Variants in ZNF469 observed in about 807,000 individuals in gnomAD.
ZNF469 encodes zinc finger protein 469.
Under a neutral mutation model 1.0 loss-of-function variants are expected in ZNF469, and 1 was observed. The ratio of observed to expected loss-of-function variants is 1.00; its 90% CI spans 0.35 to 4.73. The LOEUF is 4.73. ZNF469 is among the 30% of genes most tolerant of loss of function. The pLI, the probability that ZNF469 is intolerant of heterozygous loss-of-function variation, is 0.16. For synonymous variants in ZNF469, 2,703 were observed against 2,363.4 expected (o/e 1.14, Z -4.17); for missense variants, 6,100 against 5,356.3 (o/e 1.14, Z -4.33).
At chr16:88,253,790 C>G in the ZNF469 span, among the ~76,000 whole-genome samples, 1 of 152,182 alleles carries the variant, frequency 6.6e-6, no homozygotes, top group African/African-American at 2.4e-5. Context: ...CCTCCCACCT[C>G]GGCCTCCCAA....
rs1455525034 is a variant in ZNF469, at chr16:88,437,792, T to G, written c.10322T>G (p.Leu3441Arg). Reference protein sequence around the residue: ...EQFDRHMNKHLRGGRQPFAFR... With the variant: ...EQFDRHMNKHRRGGRQPFAFR... ...TTCGACCGCCACATGAACAAGCACC[T>G]CAGGGGGGGGCGGCAGCCCTTCGCG... Residue 3441 changes from leucine to arginine, a missense_variant, in exon 3 of 3, where the codon CTC becomes CGC. Coordinates refer to ENST00000565624, the MANE Select transcript of ZNF469 (RefSeq NM_001367624.2). 6.5e-7 allele frequency: 1 copy of G among 1,546,656 alleles called. No individual in the cohort carries two copies. Among genetic ancestry groups the G allele is most frequent in the Non-Finnish European group, 8.7e-7 (1 of 1,144,258 alleles).
chr16:88,138,451 T>C, the ZNF469 span, among the ~76,000 whole-genome samples: 2 of 152,232 alleles, frequency 1.3e-5, no homozygotes, highest in Non-Finnish European at 2.9e-5. Context: ...TGGAATAACA[T>C]AACACATAAA....
At chr16:88,414,892 G>T (rs1905264936) in intron 1 of ZNF469, among the ~76,000 whole-genome samples, 1 of 152,234 alleles carries the variant, frequency 6.6e-6, no homozygotes, top group South Asian at 2.1e-4. Context: ...GGGCAGAGGG[G>T]AGCACGGCCA....
the ZNF469 span, among the ~76,000 whole-genome samples, chr16:88,345,519 C>T: frequency 6.6e-6 from 1 of 152,180 alleles, no homozygotes; most frequent in South Asian, 2.1e-4. Flanking sequence ...TCTGTGGTCA[C>T]TCACCATGAG....
At chr16:88,412,306 G>T (rs1905193566) in intron 1 of ZNF469, among the ~76,000 whole-genome samples, 1 of 152,212 alleles carries the variant, frequency 6.6e-6, no homozygotes, top group Non-Finnish European at 1.5e-5. Flanking sequence ...CCTTCCCAGT[G>T]CCCTCTCCAC....
chr16:88,126,404 A>T, the ZNF469 span, among the ~76,000 whole-genome samples: 1 of 151,432 alleles, frequency 6.6e-6, no homozygotes, highest in African/African-American at 2.4e-5. Flanking sequence ...TTCACCATTA[A>T]GGATGATGTT....
chr16:88,143,126 AG>A, the ZNF469 span, among the ~76,000 whole-genome samples: 1 of 152,024 alleles, frequency 6.6e-6, no homozygotes, highest in Admixed American at 6.5e-5. Flanking sequence ...CACCTGGAGA[AG>A]CCCTGGGGGG....
the ZNF469 span, among the ~76,000 whole-genome samples, chr16:88,275,648 C>G: frequency 6.6e-6 from 1 of 152,212 alleles, no homozygotes. Flanking sequence ...AAAGACCAGG[C>G]TGGTGTCCAG....
Position 88,423,936 on chromosome 16 carries a change from G to C in ZNF469, c.-191-871G>C, listed in dbSNP as rs1475923881. On this transcript the variant is annotated intron_variant, in intron 1 of 2. Coordinates refer to ENST00000565624, the MANE Select transcript of ZNF469 (RefSeq NM_001367624.2). ...CGGTAAGCTCAGCTGTGTTCAAGTG[G>C]AGAGAATGAGGCTCCACCTCTTGAA... 4.6e-5 allele frequency among the ~76,000 whole-genome samples: 7 copies of C among 152,384 alleles called. No individual in the cohort carries two copies. In the East Asian group the frequency reaches 1.3e-3, roughly 29 times the overall value.
At chr16:88,197,741 C>T in the ZNF469 span, among the ~76,000 whole-genome samples, 7 of 152,212 alleles carry the variant, frequency 4.6e-5, no homozygotes, top group African/African-American at 9.6e-5. Context: ...CCCCCAGGGC[C>T]GGAAGGTCCA....
intron 1 of ZNF469, among the ~76,000 whole-genome samples, chr16:88,402,226 G>A (rs888519626): frequency 1.6e-4 from 25 of 152,106 alleles, no homozygotes; most frequent in Non-Finnish European, 2.8e-4. Flanking sequence ...GGCAGATGCT[G>A]GATGGTGACT....
upstream of ZNF469, among the ~76,000 whole-genome samples, chr16:88,382,554 C>G (rs150327680): frequency 8.5e-4 from 130 of 152,336 alleles, 1 homozygote; most frequent in African/African-American, 2.9e-3. Context: ...GCCACTCAAA[C>G]CGAACTTGCC....
chr16:88,279,304 C>T, the ZNF469 span, among the ~76,000 whole-genome samples: 2 of 151,652 alleles, frequency 1.3e-5, no homozygotes, highest in Non-Finnish European at 2.9e-5. Flanking sequence ...AGTGCTGTGC[C>T]ATGCTGACAC....
At chr16:88,278,030 C>T in the ZNF469 span, among the ~76,000 whole-genome samples, 9 of 26,690 alleles carry the variant, frequency 3.4e-4, no homozygotes, top group South Asian at 3.4e-3. Context: ...TGTGCCACGC[C>T]GACGCTCGGT....
chr16:88,188,526 C>G, the ZNF469 span, among the ~76,000 whole-genome samples: 10 of 152,148 alleles, frequency 6.6e-5, no homozygotes, highest in African/African-American at 2.4e-4. Flanking sequence ...CATGGTCTGG[C>G]CCCCATGGTG....
chr16:88,253,395 C>T, the ZNF469 span, among the ~76,000 whole-genome samples: 26 of 151,960 alleles, frequency 1.7e-4, no homozygotes, highest in South Asian at 3.3e-3. Flanking sequence ...TTTTAGTGAG[C>T]GTGAGGCTGC....
In ZNF469 at chr16:88,438,875, A is replaced by G. The variant is rs1906797869; in HGVS notation, c.11405A>G (p.His3802Arg). Reference sequence around the variant, plus strand: ...AGGGAAGCTGGTGAGCAGGGGCCCCACGGGAGCCTAGGTCCCAAGGAGAAG... The same window carrying G: ...AGGGAAGCTGGTGAGCAGGGGCCCCGCGGGAGCCTAGGTCCCAAGGAGAAG... ...GPREAGEQGP[H>R]GSLGPKEKGE... The change falls in exon 3 of 3, where the codon CAC becomes CGC. Residue 3802 changes from histidine to arginine, a missense_variant. Physicochemically the swap from His to Arg is conservative, Grantham distance 29. Transcript: ENST00000565624. 1 of 1,550,318 alleles carries G rather than the reference A, an allele frequency of 6.5e-7. No individual in the cohort carries two copies. The highest frequency in any genetic ancestry group is 1.4e-5 in the African/African-American group (1 of 73,038).
rs1386677534 is a variant in ZNF469 at position 88,438,877 on chromosome 16, G to A, written c.11407G>A (p.Gly3803Arg). ...PREAGEQGPH[G>R]SLGPKEKGES... is the part of the protein sequence containing the mutation. ...GGAAGCTGGTGAGCAGGGGCCCCAC[G>A]GGAGCCTAGGTCCCAAGGAGAAGGG... Residue 3803 changes from glycine (G) to arginine (R), a missense_variant, in exon 3 of 3, where the codon GGG (glycine) becomes AGG (arginine). Gly to Arg is a moderately radical substitution (Grantham distance 125). Transcript: ENST00000565624. 8.4e-6 allele frequency: 13 copies of A among 1,550,354 alleles called. No homozygotes were observed. The East Asian group carries it at 2.0e-4, about 23-fold the overall frequency.
chr16:88,316,198 G>A, the ZNF469 span, among the ~76,000 whole-genome samples: 22 of 152,232 alleles, frequency 1.4e-4, no homozygotes, highest in African/African-American at 5.1e-4. Context: ...CATACGTTTT[G>A]AACAGTCCTA....
Sources: allele counts gnomAD v4.1 joint callset (sites outside exome capture counted in the v4.1 genomes callset), GRCh38; gene constraint gnomAD v4.1.1; transcripts MANE v1.5; gene names NCBI Gene and HGNC (gene_info 2026-07-23, HGNC 2026-07-21).